Variants in KCNIP4 observed in about 807,000 individuals in gnomAD.
The protein encoded by KCNIP4 is Kv channel-interacting protein 4.
Under a neutral mutation model 34.0 loss-of-function variants are expected in KCNIP4, and 12 were observed. That is an observed-to-expected ratio of 0.35 (90% CI 0.23 to 0.57). The LOEUF (loss-of-function observed/expected upper bound fraction) is 0.57. Ranked by LOEUF, KCNIP4 falls within the 20% of genes least tolerant of loss-of-function variation. The pLI is 0.83. For missense variants in KCNIP4, 238 were observed against 311.7 expected (o/e 0.76, Z 1.78); for synonymous variants, 124 against 102.2 (o/e 1.21, Z -1.29).
chr4:21,785,610 T>TAAATAAATAAATAAATAAATA (rs1553931494), intron 1 of KCNIP4, among the ~76,000 whole-genome samples: 10,770 of 147,254 alleles, frequency 0.073, 1,407 homozygotes, highest in African/African-American at 0.27. Context: ...AATAAATAAA[T>TAAATAAATAAATAAATAAATA]AAATAAAATA....
At position 21,490,616 on chromosome 4, in the gene KCNIP4, C is replaced by A. The variant is rs114895652; in HGVS notation, c.61+457955G>T. On this transcript the variant is annotated intron_variant, in intron 1 of 8. Coordinates refer to ENST00000382152, the MANE Select transcript of KCNIP4 (RefSeq NM_025221.6). ...TAACAACTGAATCAAATCCATTTAA[C>A]AAGTCATTCTGTAAAACCACAAAAA... 8.1e-3 allele frequency among the ~76,000 whole-genome samples: 1,232 copies of A among 152,260 alleles called. 14 individuals are homozygous for A. The highest frequency in any genetic ancestry group is 0.028 in the African/African-American group (1,184 of 41,554).
chr4:21,366,527 A>C (rs1160178850), intron 1 of KCNIP4, among the ~76,000 whole-genome samples: 2 of 152,218 alleles, frequency 1.3e-5, no homozygotes, highest in African/African-American at 2.4e-5. Context: ...GAACAGACAG[A>C]GCACTAACGA....
chr4:21,829,944 T>C (rs936116391), intron 1 of KCNIP4, among the ~76,000 whole-genome samples: 13 of 152,138 alleles, frequency 8.5e-5, no homozygotes, highest in African/African-American at 2.7e-4. Context: ...AAAAGATCTA[T>C]AAAACAACCA....
At chr4:21,206,868 T>A (rs1343261213) in intron 1 of KCNIP4, among the ~76,000 whole-genome samples, 2 of 152,198 alleles carry the variant, frequency 1.3e-5, no homozygotes, top group Non-Finnish European at 2.9e-5. Flanking sequence ...CGTGGGGCTA[T>A]CCAATTTGGA....
intron 1 of KCNIP4, among the ~76,000 whole-genome samples, chr4:21,564,540 A>C (rs1455400562): frequency 6.6e-6 from 1 of 152,122 alleles, no homozygotes; most frequent in African/African-American, 2.4e-5. Context: ...ATGATCTTAA[A>C]AGCAAGCCAC....
At chr4:21,133,388 G>A (rs1183714202) in intron 1 of KCNIP4, among the ~76,000 whole-genome samples, 4 of 152,150 alleles carry the variant, frequency 2.6e-5, no homozygotes, top group East Asian at 1.9e-4. Context: ...TGAGGCAACC[G>A]GAAAATGAGG....
At chr4:21,077,293 A>G (rs1023642515) in intron 1 of KCNIP4, among the ~76,000 whole-genome samples, 2 of 152,110 alleles carry the variant, frequency 1.3e-5, no homozygotes, top group Non-Finnish European at 2.9e-5. Context: ...AAATTCTATA[A>G]TGTTCGCTTA....
chr4:21,054,963 T>C (rs1743276203), intron 1 of KCNIP4, among the ~76,000 whole-genome samples: 1 of 152,100 alleles, frequency 6.6e-6, no homozygotes, highest in African/African-American at 2.4e-5. Context: ...AAAGGAAATG[T>C]TAAGAAAATG....
chr4:21,099,410 G>T (rs1747744936), intron 1 of KCNIP4, among the ~76,000 whole-genome samples: 1 of 152,090 alleles, frequency 6.6e-6, no homozygotes, highest in Non-Finnish European at 1.5e-5. Flanking sequence ...GGAGCTGAAT[G>T]ATGAGAACAC....
intron 1 of KCNIP4, among the ~76,000 whole-genome samples, chr4:21,607,869 A>G (rs1168771581): frequency 3.9e-5 from 6 of 152,130 alleles, no homozygotes; most frequent in Non-Finnish European, 8.8e-5. Flanking sequence ...ACTCTCTAGT[A>G]ACAAAGCTAT....
intron 1 of KCNIP4, among the ~76,000 whole-genome samples, chr4:21,064,729 G>A (rs1037241853): frequency 6.6e-6 from 1 of 152,122 alleles, no homozygotes; most frequent in Non-Finnish European, 1.5e-5. Context: ...GCCAGGGATT[G>A]GGCTATGGAG....
At chr4:21,444,394 G>A (rs1404872984) in intron 1 of KCNIP4, among the ~76,000 whole-genome samples, 1 of 152,122 alleles carries the variant, frequency 6.6e-6, no homozygotes, top group African/African-American at 2.4e-5. Flanking sequence ...CTGGCAAATT[G>A]AATCCAGCAG....
chr4:21,056,106 T>TA (rs1171325480), intron 1 of KCNIP4, among the ~76,000 whole-genome samples: 1 of 152,104 alleles, frequency 6.6e-6, no homozygotes, highest in Non-Finnish European at 1.5e-5. Flanking sequence ...AAAACTGCCC[T>TA]AAAAAAGTCT....
intron 1 of KCNIP4, among the ~76,000 whole-genome samples, chr4:21,142,556 A>G (rs1419295175): frequency 6.6e-6 from 1 of 152,142 alleles, no homozygotes. Context: ...GTGATTTTCA[A>G]TCAGGGTTCC....
intron 3 of KCNIP4, among the ~76,000 whole-genome samples, chr4:20,848,799 G>A (rs1473895356): frequency 2.0e-5 from 3 of 151,838 alleles, no homozygotes; most frequent in African/African-American, 7.3e-5. Flanking sequence ...ACAATCCAAT[G>A]TTAAAAAGAA....
intron 2 of KCNIP4, among the ~76,000 whole-genome samples, chr4:20,867,021 T>G (rs1722943885): frequency 6.6e-6 from 1 of 152,014 alleles, no homozygotes; most frequent in Admixed American, 6.6e-5. Flanking sequence ...CACAAATAAA[T>G]GGAAAAGCAT....
intron 1 of KCNIP4, among the ~76,000 whole-genome samples, chr4:21,890,724 C>A (rs1441962756): frequency 5.3e-5 from 8 of 151,932 alleles, no homozygotes; most frequent in Admixed American, 2.0e-4. Context: ...GTTATTATTC[C>A]AATTTTATAC....
At chr4:21,498,433 C>T (rs1363562172) in intron 1 of KCNIP4, among the ~76,000 whole-genome samples, 1 of 152,110 alleles carries the variant, frequency 6.6e-6, no homozygotes, top group East Asian at 1.9e-4. Context: ...TTATGTTTTA[C>T]TATTAAAACT....
chr4:21,694,458 T>TA lies in KCNIP4; in HGVS notation c.61+254112dup, dbSNP rs570432562. Among the ~76,000 whole-genome samples the TA allele has an allele frequency of 4.9e-4, 75 of 152,270 alleles. No homozygotes were observed. In the East Asian group the frequency reaches 0.014, roughly 27 times the overall value. On this transcript the variant is annotated intron_variant, in intron 1 of 8. Coordinates refer to ENST00000382152, the MANE Select transcript of KCNIP4 (RefSeq NM_025221.6). ...TTTTAAAAAGCATATGTTTTTATGA[T>TA]AAATACAGACATTATATATGTTTGT...
Sources: allele counts gnomAD v4.1 joint callset (sites outside exome capture counted in the v4.1 genomes callset), GRCh38; gene constraint gnomAD v4.1.1; transcripts MANE v1.5; gene names NCBI Gene and HGNC (gene_info 2026-07-23, HGNC 2026-07-21).